FAM114A2: variants seen among roughly 807,000 people sequenced by gnomAD.
FAM114A2 encodes the protein protein FAM114A2.
FAM114A2 carries 53 observed loss-of-function variants against 58.4 expected under a neutral mutation model. The observed-to-expected ratio is 0.91, with a 90% CI of 0.73 to 1.14. The LOEUF is 1.14. Ranked by LOEUF, FAM114A2 falls within the 50% of genes most tolerant of loss-of-function variation. The pLI is 0.00. For synonymous variants in FAM114A2, 228 were observed against 211.4 expected, an observed-to-expected ratio of 1.08 and a Z score of -0.68; for missense variants, 601 against 581.1, an observed-to-expected ratio of 1.03 and a Z score of -0.35.
rs756224449 is a variant in FAM114A2, at chr5:154,011,271, G to C, written c.963C>G (p.His321Gln). The change falls in exon 9 of 14, where the codon CAC becomes CAG. Residue 321 changes from histidine to glutamine, a missense_variant. By Grantham distance (24) the His-to-Gln change is conservative (BLOSUM62 0). Transcript: ENST00000351797. The stretch of plus-strand genomic sequence containing the variant: ...CAAGTTTCTCTGGTTTGGAGGAAAC[G>C]TGCAGCTGGGAAAACAGCTCTGTTA... ...KDITELFSQL[H>Q]VSSKPEKLAR... The C allele has an allele frequency of 1.9e-6, 3 of 1,612,040 alleles. No homozygotes were observed. Among genetic ancestry groups the C allele is most frequent in the Non-Finnish European group, 2.5e-6 (3 of 1,178,866 alleles).
rs138282002 is a variant in FAM114A2 at position 153,997,788 on chromosome 5, G to C, written c.1329+15C>G. 0.011 allele frequency: 15,874 copies of C among 1,459,192 alleles called. 158 individuals carry two copies. The highest frequency in any genetic ancestry group is 0.013 in the Non-Finnish European group (13,710 of 1,040,926). The allele number at this position is 1,459,192 out of a possible 1,614,324, so 90.4% of individuals were successfully genotyped here. On this transcript the variant is annotated intron_variant, in intron 12 of 13. Coordinates refer to ENST00000351797, the MANE Select transcript of FAM114A2 (RefSeq NM_018691.4). ...CCAGACAAACATTATTGCAGTAAGAGGCATGGATTCTTACCCCAGCAGTTG... is the reference window on the plus strand; with the variant it reads ...CCAGACAAACATTATTGCAGTAAGACGCATGGATTCTTACCCCAGCAGTTG...
chr5:154,030,479 T>C (rs1046031239), intron 4 of FAM114A2, among the ~76,000 whole-genome samples: 15 of 152,196 alleles, frequency 9.9e-5, no homozygotes, highest in African/African-American at 3.6e-4. Flanking sequence ...CATAGGACAA[T>C]AGGCAGTACA....
intron 8 of FAM114A2, among the ~76,000 whole-genome samples, chr5:154,024,632 T>C (rs1771660163): frequency 6.6e-6 from 1 of 152,182 alleles, no homozygotes; most frequent in African/African-American, 2.4e-5. Context: ...TATTCTTTAA[T>C]ACCACATTAA....
intron 4 of FAM114A2, among the ~76,000 whole-genome samples, chr5:154,030,162 G>A (rs1320395266): frequency 6.6e-6 from 1 of 152,058 alleles, no homozygotes; most frequent in African/African-American, 2.4e-5. Context: ...TTTACTGTGT[G>A]TAAATTATAA....
intron 11 of FAM114A2, among the ~76,000 whole-genome samples, chr5:153,999,702 G>A (rs1769841348): frequency 6.6e-6 from 1 of 151,444 alleles, no homozygotes; most frequent in Non-Finnish European, 1.5e-5. Context: ...TTGTTAGAAT[G>A]TAAATTAGTA....
chr5:154,010,619 C>A (rs1323488102), intron 9 of FAM114A2, among the ~76,000 whole-genome samples: 3 of 152,148 alleles, frequency 2.0e-5, no homozygotes, highest in Non-Finnish European at 4.4e-5. Context: ...AGCAAGCAAT[C>A]CATGACCCAG....
At chr5:154,003,187 T>C (rs1050943429) in intron 9 of FAM114A2, among the ~76,000 whole-genome samples, 8 of 151,800 alleles carry the variant, frequency 5.3e-5, no homozygotes, top group Admixed American at 1.3e-4. Context: ...GTATTTTTTT[T>C]TTTTTTTTGA....
intron 9 of FAM114A2, among the ~76,000 whole-genome samples, chr5:154,005,750 G>A (rs1317107564): frequency 6.6e-6 from 1 of 152,102 alleles, no homozygotes; most frequent in Non-Finnish European, 1.5e-5. Context: ...AAGAGTCCTG[G>A]TTTCTCAGAA....
At position 154,029,526 on chromosome 5, in the gene FAM114A2, C is replaced by G; in HGVS notation, c.458G>C (p.Gly153Ala). 6.2e-7 allele frequency: 1 copy of G among 1,611,414 alleles called. No individual in the cohort carries two copies. The highest frequency in any genetic ancestry group is 1.3e-5 in the African/African-American group (1 of 74,964). Reference protein sequence around the residue: ...ENSSPVAGAFGVFSTISTAVQ... With the variant: ...ENSSPVAGAFAVFSTISTAVQ... ...AGCAGTAGAGATGGTAGAGAATACA[C>G]CAAATGCCCCAGCCACTGGGGAGGA... Residue 153 changes from glycine to alanine, a missense_variant, in exon 5 of 14, where the codon GGT becomes GCT. Transcript: ENST00000351797.
chr5:154,014,424 C>T (rs1770891537), intron 8 of FAM114A2, among the ~76,000 whole-genome samples: 1 of 152,148 alleles, frequency 6.6e-6, no homozygotes, highest in South Asian at 2.1e-4. Context: ...CATATACCCT[C>T]TGAAGGAAGT....
intron 13 of FAM114A2, 144 bp from the exon 14 acceptor site, chr5:153,993,254 T>C (rs1769349119): frequency 8.7e-6 from 5 of 572,610 alleles, no homozygotes; most frequent in Non-Finnish European, 1.5e-5. Context: ...CTTGGCCATT[T>C]TGGTAAACTC....
At chr5:154,006,836 G>A (rs1030810233) in intron 9 of FAM114A2, among the ~76,000 whole-genome samples, 22 of 143,170 alleles carry the variant, frequency 1.5e-4, no homozygotes, top group South Asian at 1.5e-3. Flanking sequence ...TCACTCTGTC[G>A]CCCAAGCTGG....
intron 9 of FAM114A2, among the ~76,000 whole-genome samples, chr5:154,007,176 A>G (rs1391924422): frequency 1.3e-5 from 2 of 152,292 alleles, no homozygotes; most frequent in East Asian, 3.9e-4. Flanking sequence ...ATCATGAACT[A>G]TTGTGCCAAC....
In FAM114A2 at chr5:154,002,149, G is replaced by A. The variant is rs571208712; in HGVS notation, c.1256+102C>T. ...AACCATCTAATATGTGGATGGGTGT[G>A]ACGTGAATGGTTTCTTGAGAGAGAC... On this transcript the variant is annotated intron_variant, in intron 11 of 13. Coordinates refer to ENST00000351797, the MANE Select transcript of FAM114A2 (RefSeq NM_018691.4). 2.6e-5 allele frequency: 27 copies of A among 1,052,502 alleles called. No individual in the cohort carries two copies. In the South Asian group the frequency reaches 2.7e-4, roughly 10 times the overall value. 65.2% of individuals were successfully genotyped at this position (1,052,502 alleles called of 1,614,324 possible). A position where few individuals can be genotyped will look rare whatever the true frequency, so the allele number is the denominator to read the frequency against.
At chr5:154,002,521 T>G in intron 10 of FAM114A2, 131 bp from the exon 11 acceptor site, 1 of 684,404 alleles carries the variant, frequency 1.5e-6, no homozygotes, top group Non-Finnish European at 2.3e-6. Context: ...TGTCTTCTTC[T>G]TCCACAGTAG....
chr5:154,019,154 C>G (rs1173425476), intron 8 of FAM114A2, among the ~76,000 whole-genome samples: 1 of 151,902 alleles, frequency 6.6e-6, no homozygotes, highest in African/African-American at 2.4e-5. Context: ...CTAGAAAACT[C>G]TGAAGTCCTA....
intron 9 of FAM114A2, 40 bp downstream of exon 9, chr5:154,011,201 C>T: frequency 7.0e-7 from 1 of 1,425,430 alleles, no homozygotes; most frequent in Non-Finnish European, 9.8e-7. Flanking sequence ...TACATTTTTA[C>T]AAGTAAAATA....
At chr5:154,004,728 G>A (rs1033342002) in intron 9 of FAM114A2, among the ~76,000 whole-genome samples, 44 of 91,942 alleles carry the variant, frequency 4.8e-4, no homozygotes, top group African/African-American at 1.2e-3. Context: ...TCCTCTTCCC[G>A]TCTTCCTCCT....
chr5:154,030,454 G>T (rs1772109354), intron 4 of FAM114A2, among the ~76,000 whole-genome samples: 1 of 152,178 alleles, frequency 6.6e-6, no homozygotes, highest in African/African-American at 2.4e-5. Flanking sequence ...TATATAAGAA[G>T]CAACTGTCTT....
Sources: gnomAD v4.1 joint callset for allele counts (sites outside exome capture counted in the v4.1 genomes callset) on GRCh38, gnomAD v4.1.1 for gene constraint, MANE v1.5 for transcripts, NCBI Gene and HGNC (gene_info 2026-07-23, HGNC 2026-07-21) for gene names.